Variants in TAF3 observed in about 807,000 individuals in gnomAD.
The protein encoded by TAF3 is TATA-box binding protein associated factor 3.
In TAF3, 7 loss-of-function variants were observed where a neutral mutation model predicts 80.6. The ratio of observed to expected loss-of-function variants is 0.09; its 90% CI spans 0.05 to 0.16. The LOEUF (loss-of-function observed/expected upper bound fraction) is 0.16, where lower values mean the gene tolerates loss of function less well. Among genes scored for constraint, TAF3 ranks in the 10% least tolerant of loss-of-function variants. TAF3 has a pLI of 1.00. For synonymous variants in TAF3, 444 were observed against 446.1 expected, an observed-to-expected ratio of 1.00 and a Z score of 0.06; for missense variants, 921 against 1,140.2, an observed-to-expected ratio of 0.81 and a Z score of 2.77.
In TAF3 at chr10:7,959,630, G is replaced by A. The variant is rs891128664; in HGVS notation, c.410-4290G>A. Among the ~76,000 whole-genome samples, 11 of 152,134 alleles carry A rather than the reference G, an allele frequency of 7.2e-5. No individual in the cohort carries two copies. The East Asian group carries it at 1.2e-3, about 16-fold the overall frequency. On this transcript the variant is annotated intron_variant, in intron 2 of 6. Transcript: ENST00000344293. ...ACAACCATCATTAATTTTTGATACC[G>A]TTATGAGTTATTTGAGCTCTAAATT...
chr10:7,833,453 T>C (rs1324119825), intron 2 of TAF3, among the ~76,000 whole-genome samples: 1 of 152,258 alleles, frequency 6.6e-6, no homozygotes, highest in African/African-American at 2.4e-5. Flanking sequence ...ATTAGTAATG[T>C]TGAACATTTT....
chr10:7,958,976 T>TAC (rs1838163284), intron 2 of TAF3, among the ~76,000 whole-genome samples: 1 of 151,992 alleles, frequency 6.6e-6, no homozygotes, highest in South Asian at 2.1e-4. Context: ...CTACTAAAAA[T>TAC]ACACACACAC....
intron 2 of TAF3, among the ~76,000 whole-genome samples, chr10:7,859,732 C>T (rs1333918702): frequency 6.6e-6 from 1 of 152,144 alleles, no homozygotes; most frequent in African/African-American, 2.4e-5. Context: ...TGTTTTCTTC[C>T]TCTACTAGAA....
intron 2 of TAF3, among the ~76,000 whole-genome samples, chr10:7,831,099 T>A (rs1836795723): frequency 6.6e-6 from 1 of 152,222 alleles, no homozygotes; most frequent in Admixed American, 6.5e-5. Flanking sequence ...ACTATCACTT[T>A]GTTTTTATTT....
intron 4 of TAF3, among the ~76,000 whole-genome samples, chr10:8,001,647 C>T (rs2131435465): frequency 6.6e-6 from 1 of 152,226 alleles, no homozygotes; most frequent in Admixed American, 6.5e-5. Context: ...AAATTGTGTC[C>T]TACCCCAAGA....
At chr10:8,007,916 G>A (rs1588349039) in intron 4 of TAF3, among the ~76,000 whole-genome samples, 1 of 151,830 alleles carries the variant, frequency 6.6e-6, no homozygotes, top group Non-Finnish European at 1.5e-5. Context: ...GAACTCAGAT[G>A]TCCTGGCCCC....
chr10:7,962,912 T>C (rs750798587), intron 2 of TAF3, among the ~76,000 whole-genome samples: 1 of 152,188 alleles, frequency 6.6e-6, no homozygotes, highest in Non-Finnish European at 1.5e-5. Flanking sequence ...TTAAAATGTG[T>C]TGGGAGAAAT....
rs1218836662 is a variant in TAF3, at chr10:7,863,626, A to AAATATATATAT, written c.409+39067_409+39068insATATATATATA. Among the ~76,000 whole-genome samples, 16 of 48,096 alleles carry AAATATATATAT rather than the reference A, an allele frequency of 3.3e-4. 2 individuals are homozygous for AAATATATATAT. The highest frequency in any genetic ancestry group is 3.1e-3 in the East Asian group (3 of 972). The allele number at this position is 48,096 out of a possible 152,430, so 31.6% of individuals were successfully genotyped here. A position where few individuals can be genotyped will look rare whatever the true frequency, so the allele number is the denominator to read the frequency against. ...CTCTGTCTAAAAAAAAAAAAAAAAA[A>AAATATATATAT]ATATATATATATATATATATACACA... On this transcript the variant is annotated intron_variant, in intron 2 of 6. Coordinates refer to ENST00000344293, the MANE Select transcript of TAF3 (RefSeq NM_031923.4).
intron 2 of TAF3, among the ~76,000 whole-genome samples, chr10:7,936,812 A>G (rs1837925384): frequency 6.6e-6 from 1 of 152,078 alleles, no homozygotes; most frequent in Non-Finnish European, 1.5e-5. Context: ...TACTGCTATC[A>G]ACATCCTCTT....
intron 2 of TAF3, among the ~76,000 whole-genome samples, chr10:7,845,353 C>T (rs1836959750): frequency 6.6e-6 from 1 of 152,036 alleles, no homozygotes; most frequent in South Asian, 2.1e-4. Context: ...TTTAGCATAG[C>T]TTAAGTGTAG....
chr10:7,835,732 C>G (rs184241276), intron 2 of TAF3, among the ~76,000 whole-genome samples: 118 of 152,266 alleles, frequency 7.7e-4, no homozygotes, highest in Non-Finnish European at 1.3e-3. Context: ...GCCTGGTGGC[C>G]CTTTTGGGGT....
At chr10:7,933,249 T>C (rs1837886123) in intron 2 of TAF3, among the ~76,000 whole-genome samples, 1 of 152,188 alleles carries the variant, frequency 6.6e-6, no homozygotes, top group African/African-American at 2.4e-5. Context: ...TTTTAAAATG[T>C]CAGCTCACTG....
At chr10:8,014,207 G>A (rs2131444348) in intron 6 of TAF3, among the ~76,000 whole-genome samples, 1 of 152,334 alleles carries the variant, frequency 6.6e-6, no homozygotes, top group South Asian at 2.1e-4. Context: ...GGTACAAACT[G>A]CAGGACTAAA....
intron 2 of TAF3, among the ~76,000 whole-genome samples, chr10:7,828,287 G>A (rs77782484): frequency 1.1e-3 from 166 of 152,316 alleles, no homozygotes; most frequent in Non-Finnish European, 2.1e-3. Flanking sequence ...TTACCATCAC[G>A]TGCTGAGGAT....
At chr10:7,840,731 C>T (rs1364539759) in intron 2 of TAF3, among the ~76,000 whole-genome samples, 3 of 152,104 alleles carry the variant, frequency 2.0e-5, no homozygotes, top group African/African-American at 7.2e-5. Flanking sequence ...TTAGGACTTA[C>T]TTTGTCTTGC....
At chr10:7,937,434 A>G (rs1837931738) in intron 2 of TAF3, among the ~76,000 whole-genome samples, 1 of 152,224 alleles carries the variant, frequency 6.6e-6, no homozygotes. Context: ...AATAACATAT[A>G]ATGTGGAACA....
intron 1 of TAF3, among the ~76,000 whole-genome samples, chr10:7,819,566 C>G (rs1836669127): frequency 6.6e-6 from 1 of 152,124 alleles, no homozygotes; most frequent in Admixed American, 6.5e-5. Context: ...GTAATCTGGG[C>G]TACAGTACTT....
intron 4 of TAF3, among the ~76,000 whole-genome samples, chr10:7,995,975 G>A (rs1831883484): frequency 6.6e-6 from 1 of 152,194 alleles, no homozygotes; most frequent in African/African-American, 2.4e-5. Context: ...CTGTGTTACA[G>A]TTTGGCGTCT....
intron 2 of TAF3, among the ~76,000 whole-genome samples, chr10:7,872,213 AT>A (rs34945620): frequency 0.017 from 2,110 of 121,962 alleles, 39 homozygotes; most frequent in African/African-American, 0.061. Flanking sequence ...TGTTGGGTTG[AT>A]TTTTTTTTTT....
Sources: gnomAD v4.1 joint callset for allele counts (sites outside exome capture counted in the v4.1 genomes callset) on GRCh38, gnomAD v4.1.1 for gene constraint, MANE v1.5 for transcripts, NCBI Gene and HGNC (gene_info 2026-07-23, HGNC 2026-07-21) for gene names.